C9: variants seen among roughly 807,000 people sequenced by gnomAD.
C9 encodes the protein complement component C9.
Under a neutral mutation model 65.4 loss-of-function variants are expected in C9, and 63 were observed. The observed-to-expected ratio is 0.96, with a 90% CI of 0.79 to 1.19. The LOEUF (loss-of-function observed/expected upper bound fraction) is 1.19. Ranked by LOEUF, C9 falls within the 50% of genes most tolerant of loss-of-function variation. C9 has a pLI of 0.00. For missense variants in C9, 744 were observed against 670.1 expected (o/e 1.11, Z -1.22); for synonymous variants, 229 against 227.9 (o/e 1.00, Z -0.04).
intron 5 of C9, among the ~76,000 whole-genome samples, chr5:39,317,119 A>G (rs1247410916): frequency 1.3e-5 from 2 of 151,848 alleles, no homozygotes; most frequent in Non-Finnish European, 2.9e-5. Context: ...TTTTTTTCAT[A>G]TGTTTGTTGG....
At chr5:39,357,810 A>G (rs1754438378) in intron 1 of C9, among the ~76,000 whole-genome samples, 1 of 152,178 alleles carries the variant, frequency 6.6e-6, no homozygotes, top group African/African-American at 2.4e-5. Flanking sequence ...GGCCTTTGTG[A>G]CAGCCTTGAT....
chr5:39,302,532 T>C (rs941863776), intron 9 of C9, among the ~76,000 whole-genome samples: 5 of 152,140 alleles, frequency 3.3e-5, no homozygotes, highest in East Asian at 1.9e-4. Flanking sequence ...CTTTAAAATA[T>C]TGATGCTCTT....
intron 9 of C9, among the ~76,000 whole-genome samples, chr5:39,298,579 T>C (rs1753228891): frequency 1.3e-5 from 2 of 151,890 alleles, no homozygotes; most frequent in South Asian, 2.1e-4. Context: ...ATAATTGGAC[T>C]TCTAATATCT....
intron 5 of C9, among the ~76,000 whole-genome samples, chr5:39,321,642 C>T (rs1030973629): frequency 2.0e-5 from 3 of 151,778 alleles, no homozygotes; most frequent in African/African-American, 7.3e-5. Context: ...AAAAGCAGGT[C>T]CCAACTATTA....
intron 5 of C9, among the ~76,000 whole-genome samples, chr5:39,319,986 C>T (rs1446111374): frequency 6.6e-6 from 1 of 152,166 alleles, no homozygotes; most frequent in East Asian, 1.9e-4. Flanking sequence ...GATGACTTGC[C>T]CAGAATCTCT....
At chr5:39,302,575 C>T (rs149953068) in intron 9 of C9, among the ~76,000 whole-genome samples, 1 of 152,118 alleles carries the variant, frequency 6.6e-6, no homozygotes, top group East Asian at 1.9e-4. Context: ...AACAGTTACA[C>T]AATAGAGCAA....
At chr5:39,337,989 A>G (rs1264646179) in intron 4 of C9, among the ~76,000 whole-genome samples, 4 of 152,232 alleles carry the variant, frequency 2.6e-5, no homozygotes, top group African/African-American at 9.6e-5. Context: ...ATGATTAGGG[A>G]GTGTACTCCT....
intron 4 of C9, among the ~76,000 whole-genome samples, chr5:39,333,592 C>G (rs951260744): frequency 1.0e-5 from 1 of 100,178 alleles, no homozygotes; most frequent in Non-Finnish European, 2.4e-5. Context: ...CCGTCTCCCT[C>G]TCCGTCTCCC....
chr5:39,350,034 A>G (rs1439941721), intron 1 of C9, among the ~76,000 whole-genome samples: 2 of 152,216 alleles, frequency 1.3e-5, no homozygotes, highest in East Asian at 1.9e-4. Flanking sequence ...AAGGTAACTT[A>G]TAAAGAAAAG....
chr5:39,353,572 G>A (rs184208823), intron 1 of C9, among the ~76,000 whole-genome samples: 6 of 152,202 alleles, frequency 3.9e-5, no homozygotes, highest in Admixed American at 3.3e-4. Flanking sequence ...TAACCTCCCC[G>A]TGTAATTTAG....
At chr5:39,336,255 C>G (rs1016800893) in intron 4 of C9, among the ~76,000 whole-genome samples, 7 of 151,966 alleles carry the variant, frequency 4.6e-5, no homozygotes, top group African/African-American at 1.7e-4. Flanking sequence ...AGGTTCACAG[C>G]AAAAGTGAAC....
chr5:39,301,497 T>G (rs1376757653), intron 9 of C9, among the ~76,000 whole-genome samples: 2 of 152,180 alleles, frequency 1.3e-5, no homozygotes, highest in Non-Finnish European at 2.9e-5. Context: ...AATTTTACTA[T>G]GCTTATGTAA....
intron 9 of C9, 76 bp downstream of exon 9, chr5:39,306,541 C>G (rs1010037553): frequency 4.4e-6 from 5 of 1,142,910 alleles, no homozygotes; most frequent in African/African-American, 3.0e-5. Context: ...ATGAAGCTAA[C>G]AGTTCACCTG....
At chr5:39,333,287 C>T (rs771369587) in intron 4 of C9, among the ~76,000 whole-genome samples, 4 of 152,176 alleles carry the variant, frequency 2.6e-5, no homozygotes, top group African/African-American at 9.7e-5. Flanking sequence ...TGGCTTTGTG[C>T]TTGGCCATGT....
At chr5:39,363,210 T>C (rs1754552697) in intron 1 of C9, among the ~76,000 whole-genome samples, 1 of 152,192 alleles carries the variant, frequency 6.6e-6, no homozygotes, top group African/African-American at 2.4e-5. Flanking sequence ...CAAAAATATT[T>C]CCTGAATGGT....
chr5:39,285,275 G>T, intron 10 of C9, 42 bp from the exon 11 acceptor site: 3 of 1,550,416 alleles, frequency 1.9e-6, no homozygotes, highest in Non-Finnish European at 2.7e-6. Context: ...TCATCAATAG[G>T]ATTTTACTTT....
chr5:39,340,325 T>A (rs1316830682), intron 4 of C9, among the ~76,000 whole-genome samples: 1 of 151,270 alleles, frequency 6.6e-6, no homozygotes, highest in Non-Finnish European at 1.5e-5. Context: ...AGAATGACCA[T>A]GTCTTTGTTG....
intron 9 of C9, among the ~76,000 whole-genome samples, chr5:39,292,333 A>AAAAAC (rs916485044): frequency 6.6e-6 from 1 of 151,894 alleles, no homozygotes; most frequent in African/African-American, 2.4e-5. Flanking sequence ...ACTGAAAGAC[A>AAAAAC]AAAACAAAAC....
chr5:39,322,940 T>C (rs1346142213), intron 5 of C9, among the ~76,000 whole-genome samples: 2 of 152,220 alleles, frequency 1.3e-5, no homozygotes, highest in African/African-American at 4.8e-5. Context: ...TTTAGCTATT[T>C]GTGAGTGGTC....
Sources: gnomAD v4.1 joint callset for allele counts (sites outside exome capture counted in the v4.1 genomes callset) on GRCh38, gnomAD v4.1.1 for gene constraint, MANE v1.5 for transcripts, NCBI Gene and HGNC (gene_info 2026-07-23, HGNC 2026-07-21) for gene names.